The following CSMD2 variants were observed in gnomAD, a reference collection of about 807,000 sequenced individuals.
CSMD2 encodes CUB and sushi domain-containing protein 2.
A neutral mutation model predicts 398.5 loss-of-function variants in CSMD2; 130 were observed. That is an observed-to-expected ratio of 0.33 (90% confidence interval 0.28 to 0.38). The LOEUF (loss-of-function observed/expected upper bound fraction) is 0.38. Ranked by LOEUF, CSMD2 falls within the 10% of genes least tolerant of loss-of-function variation. CSMD2 has a pLI of 1.00. For synonymous variants in CSMD2, 1,828 were observed against 1,908.5 expected, an observed-to-expected ratio of 0.96 and a Z score of 1.10; for missense variants, 3,829 against 4,764.9, an observed-to-expected ratio of 0.80 and a Z score of 5.78.
Position 33,819,795 on chromosome 1 carries a change from G to A in CSMD2, c.1242C>T (p.Asp414=). Residue 414 remains aspartate (D), a synonymous_variant, in exon 9 of 71, where the codon GAC becomes GAT. Transcript: ENST00000373381. ...AGGTGATCCGCTTGGACCCTTGCAG[G>A]TCATAGCCCTCGTTGCAGGTGAACT... ...SVQFTCNEGY[D]LQGSKRITCM... is the part of the protein sequence containing the mutation. 2 of 1,614,092 alleles carry A rather than the reference G, an allele frequency of 1.2e-6. No homozygotes were observed. The highest frequency in any genetic ancestry group is 1.1e-5 in the South Asian group (1 of 91,082).
At chr1:33,609,531 C>T (rs1368078500) in intron 41 of CSMD2, among the ~76,000 whole-genome samples, 1 of 152,134 alleles carries the variant, frequency 6.6e-6, no homozygotes. Flanking sequence ...ACAATAGTAG[C>T]CGTTTCTGGA....
chr1:33,762,734 G>A (rs1557856439), intron 13 of CSMD2, among the ~76,000 whole-genome samples: 1 of 151,790 alleles, frequency 6.6e-6, no homozygotes, highest in African/African-American at 2.4e-5. Context: ...CCACATCTAT[G>A]TGCAATAATT....
At chr1:33,912,990 T>G (rs1250729077) in intron 5 of CSMD2, among the ~76,000 whole-genome samples, 1 of 151,968 alleles carries the variant, frequency 6.6e-6, no homozygotes, top group East Asian at 1.9e-4. Context: ...TTTTTGTATT[T>G]TTTGTAGAGA....
intron 62 of CSMD2, among the ~76,000 whole-genome samples, chr1:33,534,209 G>A (rs923879): frequency 0.62 from 93,933 of 151,952 alleles, 29,513 homozygotes; most frequent in African/African-American, 0.73. Context: ...TTTACTCAGG[G>A]CAGGCTGCAT....
At chr1:33,641,186 C>T (rs1000109003) in intron 29 of CSMD2, among the ~76,000 whole-genome samples, 2 of 152,172 alleles carry the variant, frequency 1.3e-5, no homozygotes, top group African/African-American at 4.8e-5. Flanking sequence ...ACTTCTTATG[C>T]TTCTTACTTC....
intron 5 of CSMD2, among the ~76,000 whole-genome samples, chr1:33,867,965 G>T (rs150913405): frequency 6.6e-6 from 1 of 152,298 alleles, no homozygotes; most frequent in East Asian, 1.9e-4. Flanking sequence ...ACAAGAGTTT[G>T]CAGTTCCCCT....
chr1:33,709,020 C>T (rs1645898129), intron 22 of CSMD2, 69 bp downstream of exon 22: 1 of 1,353,732 alleles, frequency 7.4e-7, no homozygotes, highest in South Asian at 1.4e-5. Context: ...CACACAGAGA[C>T]AAAGGAGTGA....
chr1:33,682,040 G>A (rs1222699171), intron 25 of CSMD2, among the ~76,000 whole-genome samples: 3 of 152,182 alleles, frequency 2.0e-5, no homozygotes, highest in African/African-American at 7.2e-5. Context: ...TCTGAAATCA[G>A]TATTGCTGCG....
intron 5 of CSMD2, among the ~76,000 whole-genome samples, chr1:33,861,955 C>T (rs1287963461): frequency 7.0e-6 from 1 of 143,234 alleles, no homozygotes; most frequent in African/African-American, 2.6e-5. Flanking sequence ...CTCCTGAGGG[C>T]CCCATTGACC....
At chr1:33,916,681 A>G (rs1643738968) in intron 5 of CSMD2, among the ~76,000 whole-genome samples, 1 of 152,154 alleles carries the variant, frequency 6.6e-6, no homozygotes, top group East Asian at 1.9e-4. Context: ...CCACTGCACC[A>G]GGAAACTTGA....
chr1:33,592,453 G>C (rs1448826162), intron 44 of CSMD2: 1 of 716,756 alleles, frequency 1.4e-6, no homozygotes, highest in Non-Finnish European at 2.6e-6. Context: ...TGTGTGCGTG[G>C]AGGGGTGTCA....
At chr1:33,793,815 G>A (rs944424817) in intron 10 of CSMD2, among the ~76,000 whole-genome samples, 2 of 152,122 alleles carry the variant, frequency 1.3e-5, no homozygotes, top group African/African-American at 4.8e-5. Flanking sequence ...TGCATGTGGT[G>A]CTGAGGGGAG....
At chr1:33,758,385 T>A (rs1649336637) in intron 13 of CSMD2, among the ~76,000 whole-genome samples, 1 of 152,234 alleles carries the variant, frequency 6.6e-6, no homozygotes, top group Non-Finnish European at 1.5e-5. Flanking sequence ...CTGCTGCCAG[T>A]AGACCCTGGG....
intron 1 of CSMD2, among the ~76,000 whole-genome samples, chr1:34,127,531 C>T (rs1254899369): frequency 2.0e-5 from 3 of 152,048 alleles, no homozygotes; most frequent in Non-Finnish European, 4.4e-5. Flanking sequence ...AAGCAGGTAA[C>T]CACAGGTAGG....
chr1:33,726,445 T>C, intron 16 of CSMD2, 102 bp downstream of exon 16: 1 of 1,338,306 alleles, frequency 7.5e-7, no homozygotes, highest in Non-Finnish European at 1.0e-6. Context: ...TGCTGACATT[T>C]CAGCGTTGGT....
rs1176012758 is a variant in CSMD2 at position 34,163,869 on chromosome 1, G to T, written c.187+1042C>A. 6.6e-6 allele frequency among the ~76,000 whole-genome samples: 1 copy of T among 152,128 alleles called. No homozygotes were observed. Among genetic ancestry groups the T allele is most frequent in the Non-Finnish European group, 1.5e-5 (1 of 68,020 alleles). On this transcript the variant is annotated intron_variant, in intron 1 of 70. Coordinates refer to ENST00000373381, the MANE Select transcript of CSMD2 (RefSeq NM_001281956.2). The surrounding 1 kb of genome is among the most constrained non-coding windows in gnomAD (Gnocchi z 5.4). ...GTAGCTAGAACTGAGCTTCGGAGGG[G>T]TGCTGTGGGTAAAGCGGGAGGGCAC...
chr1:33,608,323 G>A lies in CSMD2; in HGVS notation c.6343+2718C>T, dbSNP rs953451637. Among the ~76,000 whole-genome samples the A allele has an allele frequency of 3.3e-5, 5 of 152,184 alleles. No individual in the cohort carries two copies. The East Asian group carries it at 7.7e-4, about 24-fold the overall frequency. On this transcript the variant is annotated intron_variant, in intron 41 of 70. Coordinates refer to ENST00000373381, the MANE Select transcript of CSMD2 (RefSeq NM_001281956.2). ...ATCACAGGGATTCAGTGGCAGGACC[G>A]TGCCCATTGTCTAGGGTGAAGGCAC...
chr1:33,941,324 C>CTGGGGGCAGGATTGG (rs1420377061), intron 3 of CSMD2, among the ~76,000 whole-genome samples: 9 of 152,274 alleles, frequency 5.9e-5, no homozygotes, highest in Non-Finnish European at 1.3e-4. Flanking sequence ...GACTTTGGTT[C>CTGGGGGCAGGATTGG]CCTTATTATA....
intron 1 of CSMD2, among the ~76,000 whole-genome samples, chr1:34,111,050 C>G (rs187688252): frequency 9.4e-4 from 143 of 152,226 alleles, no homozygotes; most frequent in Middle Eastern, 6.8e-3. Flanking sequence ...ATATATTGTA[C>G]TTACTGTTTA....
Sources: gnomAD v4.1 joint callset for allele counts (sites outside exome capture counted in the v4.1 genomes callset) on GRCh38, gnomAD v4.1.1 for gene constraint, Gnocchi (gnomAD v3.1) non-coding constraint, MANE v1.5 for transcripts, NCBI Gene and HGNC (gene_info 2026-07-23, HGNC 2026-07-21) for gene names.